The following COA1 variants were observed in gnomAD, a reference collection of about 807,000 sequenced individuals.
COA1 encodes cytochrome c oxidase assembly factor 1 homolog.
A neutral mutation model predicts 16.0 loss-of-function variants in COA1; 13 were observed. The observed-to-expected ratio is 0.81, with a 90% confidence interval of 0.53 to 1.29. COA1 has a LOEUF of 1.29. Ranked by LOEUF, COA1 falls within the 50% of genes most tolerant of loss-of-function variation. COA1 has a pLI of 0.00. For missense variants in COA1, 179 were observed against 177.0 expected, an observed-to-expected ratio of 1.01 and a Z score of -0.06; for synonymous variants, 65 against 65.7, an observed-to-expected ratio of 0.99 and a Z score of 0.05.
chr7:43,619,551 T>C (rs1563162860), intron 6 of COA1: 1 of 1,595,224 alleles, frequency 6.3e-7, no homozygotes. Context: ...TTTTGTGTAC[T>C]TAATCATAGT....
intron 1 of COA1, among the ~76,000 whole-genome samples, chr7:43,683,530 A>G (rs1348438362): frequency 6.6e-6 from 1 of 152,050 alleles, no homozygotes; most frequent in African/African-American, 2.4e-5. Flanking sequence ...GCTACTCGGG[A>G]GTCTGAGGCA....
At chr7:43,691,335 G>A (rs2094311197) in intron 1 of COA1, among the ~76,000 whole-genome samples, 2 of 34,420 alleles carry the variant, frequency 5.8e-5, no homozygotes, top group South Asian at 3.3e-3. Flanking sequence ...GAAAGAGAAA[G>A]AGAGAGAGGG....
At chr7:43,636,866 CAT>C (rs563621118), downstream of COA1, among the ~76,000 whole-genome samples, 15 of 152,348 alleles carry the variant, frequency 9.8e-5, 1 homozygote, top group African/African-American at 3.6e-4. Flanking sequence ...ACAGTAGAAT[CAT>C]GTGCTTACCC....
chr7:43,658,180 TC>T (rs2092006650), intron 1 of COA1, among the ~76,000 whole-genome samples: 1 of 151,792 alleles, frequency 6.6e-6, no homozygotes, highest in African/African-American at 2.4e-5. Context: ...ATCGAGACCA[TC>T]CTGGCTAACA....
At chr7:43,665,436 G>A (rs1210930041) in intron 1 of COA1, among the ~76,000 whole-genome samples, 1 of 152,112 alleles carries the variant, frequency 6.6e-6, no homozygotes, top group East Asian at 1.9e-4. Flanking sequence ...GCTATAAACA[G>A]GAAAGGTATT....
chr7:43,701,635 G>C (rs1394531692), intron 1 of COA1, among the ~76,000 whole-genome samples: 1 of 152,110 alleles, frequency 6.6e-6, no homozygotes, highest in Non-Finnish European at 1.5e-5. Flanking sequence ...TAATGAGATT[G>C]GTAGTTCTGT....
At chr7:43,696,897 G>A (rs2094545338) in intron 1 of COA1, among the ~76,000 whole-genome samples, 1 of 152,016 alleles carries the variant, frequency 6.6e-6, no homozygotes, top group Admixed American at 6.6e-5. Context: ...AGCCAAGGCA[G>A]GCGGATCACA....
chr7:43,683,644 C>T (rs1165382575), intron 1 of COA1, among the ~76,000 whole-genome samples: 1 of 151,758 alleles, frequency 6.6e-6, no homozygotes, highest in Non-Finnish European at 1.5e-5. Context: ...AAAAAAAAAA[C>T]ATTTAATAGT....
chr7:43,708,767 C>T (rs1365291550), intron 1 of COA1, among the ~76,000 whole-genome samples: 1 of 151,774 alleles, frequency 6.6e-6, no homozygotes, highest in Non-Finnish European at 1.5e-5. Flanking sequence ...TACCATTATT[C>T]TACTGGCCTT....
At chr7:43,635,950 T>A (rs1276350505), downstream of COA1, among the ~76,000 whole-genome samples, 1 of 152,096 alleles carries the variant, frequency 6.6e-6, no homozygotes, top group African/African-American at 2.4e-5. Context: ...TATTTAATAA[T>A]AAAAGGTTTT....
At chr7:43,609,845 A>G (rs1296547976) in intron 6 of COA1, among the ~76,000 whole-genome samples, 1 of 152,220 alleles carries the variant, frequency 6.6e-6, no homozygotes, top group Non-Finnish European at 1.5e-5. Flanking sequence ...CACCACGATC[A>G]TCTACTGATC....
At chr7:43,619,480 GT>G (rs2083651539) in intron 6 of COA1, 2 of 1,286,868 alleles carry the variant, frequency 1.6e-6, no homozygotes, top group Non-Finnish European at 2.1e-6. Context: ...ACAAATGACT[GT>G]TTACTGTTAA....
At chr7:43,700,975 AAAGC>A (rs1336887935) in intron 1 of COA1, among the ~76,000 whole-genome samples, 2 of 152,052 alleles carry the variant, frequency 1.3e-5, no homozygotes, top group African/African-American at 2.4e-5. Context: ...CCCTCCTACA[AAAGC>A]AAGCAAGCTA....
intron 1 of COA1, among the ~76,000 whole-genome samples, chr7:43,676,021 T>C (rs916963677): frequency 1.8e-4 from 27 of 152,316 alleles, no homozygotes; most frequent in Admixed American, 9.8e-4. Context: ...TTCTCACTTA[T>C]GGGAATCCTA....
chr7:43,626,239 C>CGAA (rs1563175623), intron 6 of COA1: 3 of 152,188 alleles, frequency 2.0e-5, no homozygotes, highest in Non-Finnish European at 4.4e-5. Flanking sequence ...CATGGTTTCT[C>CGAA]AACTGTCAAA....
intron 6 of COA1, among the ~76,000 whole-genome samples, chr7:43,629,527 TTG>T (rs2084959213): frequency 6.6e-6 from 1 of 152,254 alleles, no homozygotes; most frequent in African/African-American, 2.4e-5. Context: ...CTGTTGTTTT[TTG>T]GATAGTCTTC....
At chr7:43,701,448 C>T (rs1394212172) in intron 1 of COA1, among the ~76,000 whole-genome samples, 8 of 152,318 alleles carry the variant, frequency 5.3e-5, no homozygotes, top group Middle Eastern at 6.8e-3. Flanking sequence ...CATGATTCTG[C>T]TCTTTTTTAT....
chr7:43,724,493 G>A (rs1479981634), intron 1 of COA1, among the ~76,000 whole-genome samples: 4 of 151,596 alleles, frequency 2.6e-5, no homozygotes, highest in Admixed American at 6.6e-5. Flanking sequence ...AGAGGTTGCA[G>A]TGAGCCAAGA....
intron 6 of COA1, chr7:43,625,957 T>TAATA (rs1159212154): frequency 6.6e-6 from 1 of 152,242 alleles, no homozygotes; most frequent in Non-Finnish European, 1.5e-5. Flanking sequence ...AAGAATGTAC[T>TAATA]AATAGTTTTA....
Sources: allele counts gnomAD v4.1 joint callset (sites outside exome capture counted in the v4.1 genomes callset), GRCh38; gene constraint gnomAD v4.1.1; transcripts MANE v1.5; gene names NCBI Gene and HGNC (gene_info 2026-07-23, HGNC 2026-07-21).